Variants in METTL15 observed in about 807,000 individuals in gnomAD.
METTL15 encodes methyltransferase 15, mitochondrial 12S rRNA N4-cytidine.
Under a neutral mutation model 38.3 loss-of-function variants are expected in METTL15, and 34 were observed. The ratio of observed to expected loss-of-function variants is 0.89; its 90% CI spans 0.68 to 1.18. The LOEUF is 1.18. METTL15 is among the 50% of genes most tolerant of loss of function. The pLI is 0.00. For missense variants in METTL15, 438 were observed against 498.4 expected (o/e 0.88, Z 1.15); for synonymous variants, 162 against 170.9 (o/e 0.95, Z 0.41).
intron 5 of METTL15, among the ~76,000 whole-genome samples, chr11:28,292,921 AT>A (rs1856578917): frequency 6.6e-6 from 1 of 151,982 alleles, no homozygotes; most frequent in African/African-American, 2.4e-5. Flanking sequence ...TTTCTTGTAA[AT>A]TTGTTGGAGT....
intron 3 of METTL15, chr11:28,124,032 A>G (rs1852364223): frequency 6.1e-6 from 3 of 491,864 alleles, no homozygotes; most frequent in Non-Finnish European, 1.0e-5. Context: ...TTTCATTAAT[A>G]CTAATTTCAG....
chr11:28,278,929 C>A (rs974836592), intron 4 of METTL15, among the ~76,000 whole-genome samples: 1 of 152,122 alleles, frequency 6.6e-6, no homozygotes, highest in East Asian at 1.9e-4. Context: ...CAGACCCAAG[C>A]GATCCTCACA....
chr11:28,140,100 T>G (rs1191919476), intron 3 of METTL15, among the ~76,000 whole-genome samples: 1 of 152,200 alleles, frequency 6.6e-6, no homozygotes, highest in African/African-American at 2.4e-5. Context: ...TGCCTCCGCT[T>G]GCCTTTCTGT....
At chr11:28,197,450 A>G (rs981620577) in intron 3 of METTL15, 70 of 389,902 alleles carry the variant, frequency 1.8e-4, no homozygotes, top group Non-Finnish European at 3.5e-4. Flanking sequence ...GATTTTGTTC[A>G]TGTGTATTGT....
chr11:28,318,989 G>A (rs1253337173), intron 6 of METTL15, among the ~76,000 whole-genome samples: 1 of 152,144 alleles, frequency 6.6e-6, no homozygotes, highest in Non-Finnish European at 1.5e-5. Context: ...AGAACAAAAA[G>A]GACAAAAGCC....
chr11:28,393,231 C>T (rs1316207806), intron 5 of METTL15, among the ~76,000 whole-genome samples: 1 of 152,064 alleles, frequency 6.6e-6, no homozygotes. Context: ...CACTCTTGCT[C>T]ATTGCAGCAT....
At chr11:28,441,332 A>G (rs1851033264) in intron 6 of METTL15, among the ~76,000 whole-genome samples, 1 of 152,036 alleles carries the variant, frequency 6.6e-6, no homozygotes, top group Non-Finnish European at 1.5e-5. Context: ...ATATGTTATT[A>G]AATAATAAAT....
chr11:28,158,746 AGT>A (rs1850348594), intron 3 of METTL15, among the ~76,000 whole-genome samples: 1 of 152,198 alleles, frequency 6.6e-6, no homozygotes, highest in South Asian at 2.1e-4. Context: ...GAAGTGCAGC[AGT>A]GGGCTCATGC....
chr11:28,455,813 TCTC>T (rs1310276902), intron 6 of METTL15, among the ~76,000 whole-genome samples: 2 of 152,100 alleles, frequency 1.3e-5, no homozygotes, highest in African/African-American at 4.8e-5. Flanking sequence ...TTCATGTCAT[TCTC>T]CTGCCTCAGC....
At chr11:28,177,599 CTG>C (rs1851124481) in intron 3 of METTL15, among the ~76,000 whole-genome samples, 1 of 151,906 alleles carries the variant, frequency 6.6e-6, no homozygotes, top group African/African-American at 2.4e-5. Flanking sequence ...ATATAGAACT[CTG>C]GGGATTTGAA....
intron 5 of METTL15, among the ~76,000 whole-genome samples, chr11:28,364,155 G>C (rs183862837): frequency 6.6e-6 from 1 of 152,174 alleles, no homozygotes; most frequent in East Asian, 1.9e-4. Flanking sequence ...GATTGCTTTG[G>C]CTATTTGGGC....
intron 3 of METTL15, among the ~76,000 whole-genome samples, chr11:28,161,176 G>A (rs1436217786): frequency 6.8e-6 from 1 of 147,772 alleles, no homozygotes; most frequent in East Asian, 2.0e-4. Flanking sequence ...AGTCTGGAGT[G>A]CAGGGTTACA....
intron 4 of METTL15, among the ~76,000 whole-genome samples, chr11:28,240,927 TAAG>T (rs1277178937): frequency 3.9e-5 from 6 of 152,174 alleles, no homozygotes; most frequent in African/African-American, 1.4e-4. Context: ...GTGACTTATT[TAAG>T]AAGATTTGAT....
chr11:28,190,723 A>T (rs1187405770), intron 3 of METTL15, among the ~76,000 whole-genome samples: 1 of 151,300 alleles, frequency 6.6e-6, no homozygotes, highest in African/African-American at 2.4e-5. Context: ...AATGTATCGA[A>T]ACATAGGTAA....
intron 3 of METTL15, chr11:28,126,003 A>G (rs1409614632): frequency 6.6e-6 from 1 of 152,034 alleles, no homozygotes; most frequent in East Asian, 1.9e-4. Flanking sequence ...GCTAGTGCTT[A>G]TATCTTAGTA....
intron 5 of METTL15, among the ~76,000 whole-genome samples, chr11:28,390,362 G>A (rs1234275864): frequency 5.9e-5 from 9 of 151,526 alleles, no homozygotes; most frequent in African/African-American, 1.7e-4. Flanking sequence ...ATGGTTTTAG[G>A]TCTAATATTT....
chr11:28,391,537 A>G (rs917438141), intron 5 of METTL15, among the ~76,000 whole-genome samples: 2 of 152,172 alleles, frequency 1.3e-5, no homozygotes, highest in African/African-American at 4.8e-5. Flanking sequence ...ACAAAGCTGG[A>G]GGCATCACGC....
chr11:28,146,169 C>T (rs1468020893), intron 3 of METTL15, among the ~76,000 whole-genome samples: 3 of 152,104 alleles, frequency 2.0e-5, no homozygotes, highest in Admixed American at 6.6e-5. Context: ...ACTGTTAAAA[C>T]TTTCTGGAAA....
At chr11:28,250,732 A>G (rs1481206011) in intron 4 of METTL15, among the ~76,000 whole-genome samples, 2 of 152,034 alleles carry the variant, frequency 1.3e-5, no homozygotes, top group Non-Finnish European at 2.9e-5. Flanking sequence ...CTCTTTGTCC[A>G]GAAAATCATC....
Sources: gnomAD v4.1 joint callset for allele counts (sites outside exome capture counted in the v4.1 genomes callset) on GRCh38, gnomAD v4.1.1 for gene constraint, MANE v1.5 for transcripts, NCBI Gene and HGNC (gene_info 2026-07-23, HGNC 2026-07-21) for gene names.